PDZD2: variants seen among roughly 807,000 people sequenced by gnomAD.
The protein encoded by PDZD2 is PDZ domain-containing protein 2.
PDZD2 carries 90 observed loss-of-function variants against 220.7 expected under a neutral mutation model. The ratio of observed to expected loss-of-function variants is 0.41; its 90% CI spans 0.34 to 0.49. The LOEUF (loss-of-function observed/expected upper bound fraction) is 0.49. Ranked by LOEUF, PDZD2 falls within the 20% of genes least tolerant of loss-of-function variation. The pLI, the probability that PDZD2 is intolerant of heterozygous loss-of-function variation, is 0.28. For missense variants in PDZD2, 3,174 were observed against 3,608.5 expected, an observed-to-expected ratio of 0.88 and a Z score of 3.08; for synonymous variants, 1,375 against 1,450.5, an observed-to-expected ratio of 0.95 and a Z score of 1.18.
intron 3 of PDZD2, among the ~76,000 whole-genome samples, chr5:31,986,806 A>G (rs1222567924): frequency 1.3e-5 from 2 of 152,162 alleles, no homozygotes; most frequent in Non-Finnish European, 2.9e-5. Context: ...TTTGTTTGTC[A>G]GGTACTTCTT....
chr5:31,763,854 G>A (rs1751808763), intron 1 of PDZD2, among the ~76,000 whole-genome samples: 1 of 143,148 alleles, frequency 7.0e-6, no homozygotes, highest in Admixed American at 7.2e-5. Context: ...TAAAGGAGAG[G>A]AGGGAGCCCT....
At chr5:32,029,329 TAA>T (rs34025632) in intron 6 of PDZD2, among the ~76,000 whole-genome samples, 2,873 of 65,750 alleles carry the variant, frequency 0.044, 129 homozygotes, top group African/African-American at 0.16. Context: ...TCAAGAACTG[TAA>T]AAAAAAAAAA....
chr5:31,965,710 C>G (rs1748678542), intron 2 of PDZD2, among the ~76,000 whole-genome samples: 1 of 152,130 alleles, frequency 6.6e-6, no homozygotes, highest in Admixed American at 6.5e-5. Context: ...GCCTGACCAA[C>G]ATGGCGAAAC....
At position 32,064,765 on chromosome 5, in the gene PDZD2, T is replaced by C. The variant is rs1169738964; in HGVS notation, c.2451+3631T>C. 6.2e-4 allele frequency among the ~76,000 whole-genome samples: 90 copies of C among 145,286 alleles called. No individual in the cohort carries two copies. The Middle Eastern group carries it at 0.014, about 22-fold the overall frequency. ...GGTGGATCACTTGAGGTCAGGAGTT[T>C]GAGACCAGCCTGGCCAACATAGCAA... On this transcript the variant is annotated intron_variant, in intron 14 of 24. Transcript: ENST00000438447.
chr5:31,646,345 A>G lies in PDZD2; in HGVS notation c.-361+6908A>G, dbSNP rs75716338. On this transcript the variant is annotated intron_variant, in intron 1 of 24. Coordinates refer to ENST00000438447, the MANE Select transcript of PDZD2 (RefSeq NM_178140.4). The surrounding 1 kb of genome is among the most constrained non-coding windows in gnomAD (Gnocchi z 4.7). ...ATGCCCCTTACCCCTGAGGAATTCC[A>G]GGGACTGAGCCACCACAAATGTCTT... is the stretch of plus-strand genomic sequence containing the variant. Among the ~76,000 whole-genome samples the G allele has an allele frequency of 1.1e-3, 161 of 152,186 alleles. No homozygotes were observed. The highest frequency in any genetic ancestry group is 3.7e-3 in the African/African-American group (152 of 41,498).
intron 1 of PDZD2, among the ~76,000 whole-genome samples, chr5:31,642,935 G>A (rs1408942765): frequency 1.3e-5 from 2 of 152,180 alleles, no homozygotes; most frequent in African/African-American, 2.4e-5. Flanking sequence ...AGGAGGGAAA[G>A]GAAGGACTCC....
At position 32,037,268 on chromosome 5, in the gene PDZD2, C is replaced by T. The variant is rs1406018132; in HGVS notation, c.1445C>T (p.Ala482Val). 1 of 1,613,756 alleles carries T rather than the reference C, an allele frequency of 6.2e-7. No individual in the cohort carries two copies. Among genetic ancestry groups the T allele is most frequent in the African/African-American group, 1.3e-5 (1 of 75,026 alleles). The part of the protein sequence containing the change: ...GTDEPQDVCG[A>V]EESKGNLESP... ...GATGAACCCCAAGATGTGTGCGGTG[C>T]TGAGGAATCCAAGGGGAACTTGGAA... Residue 482 changes from alanine (A) to valine (V), a missense_variant, in exon 7 of 25, where the codon GCT becomes GTT. Ala to Val is a moderately conservative substitution (Grantham distance 64). Around this residue, in one of 4 missense-constraint regions of PDZD2, gnomAD observed 632 missense variants for 708.1 expected, o/e 0.89. Transcript: ENST00000438447.
intron 3 of PDZD2, among the ~76,000 whole-genome samples, chr5:31,994,414 C>T (rs1483492450): frequency 6.6e-6 from 1 of 152,002 alleles, no homozygotes; most frequent in Non-Finnish European, 1.5e-5. Context: ...TCAAATTCAT[C>T]AATTAATTTT....
rs544845682 is a variant in PDZD2, at chr5:32,040,896, G to A, written c.1519+3554G>A. The stretch of plus-strand genomic sequence containing the variant: ...AAGTGAAGAGCGCCTCTGCCTGGCC[G>A]CCCTGTCTGGGATGTGAGGAGCACC... On this transcript the variant is annotated intron_variant, in intron 7 of 24. Coordinates refer to ENST00000438447, the MANE Select transcript of PDZD2 (RefSeq NM_178140.4). Among the ~76,000 whole-genome samples, 25 of 143,170 alleles carry A rather than the reference G, an allele frequency of 1.7e-4. No individual in the cohort carries two copies. The East Asian group carries it at 5.2e-3, about 30-fold the overall frequency. The allele number at this position is 143,170 out of a possible 152,430, so 93.9% of individuals were successfully genotyped here.
chr5:31,881,075 C>T (rs532044910), intron 2 of PDZD2, among the ~76,000 whole-genome samples: 1 of 152,000 alleles, frequency 6.6e-6, no homozygotes, highest in South Asian at 2.1e-4. Flanking sequence ...GCTGGGATTA[C>T]AGGCATATGC....
At chr5:31,950,210 A>G (rs1166942778) in intron 2 of PDZD2, among the ~76,000 whole-genome samples, 1 of 152,104 alleles carries the variant, frequency 6.6e-6, no homozygotes, top group Non-Finnish European at 1.5e-5. Context: ...ATCCTGTGGG[A>G]TCAGATTCTG....
intron 1 of PDZD2, among the ~76,000 whole-genome samples, chr5:31,641,060 A>G (rs1323660263): frequency 1.3e-5 from 2 of 152,080 alleles, no homozygotes; most frequent in South Asian, 2.1e-4. Flanking sequence ...AACTTATGAT[A>G]ATTTCTCTGT....
At chr5:32,101,003 C>T in intron 23 of PDZD2, 102 bp from the exon 24 acceptor site, 1 of 1,592,134 alleles carries the variant, frequency 6.3e-7, no homozygotes, top group South Asian at 1.1e-5. Flanking sequence ...TTGAGTGTGC[C>T]AGAAGTACAT....
intron 4 of PDZD2, among the ~76,000 whole-genome samples, chr5:31,996,785 G>T (rs1239298911): frequency 2.0e-5 from 3 of 152,178 alleles, no homozygotes; most frequent in Non-Finnish European, 4.4e-5. Flanking sequence ...GGAGACTCAG[G>T]TGGGAGGATC....
intron 2 of PDZD2, among the ~76,000 whole-genome samples, chr5:31,863,181 G>A (rs960117625): frequency 6.6e-6 from 1 of 152,106 alleles, no homozygotes; most frequent in Non-Finnish European, 1.5e-5. Flanking sequence ...CACTGCGCCC[G>A]GCCATGAGAC....
intron 2 of PDZD2, among the ~76,000 whole-genome samples, chr5:31,895,215 T>G (rs1363677824): frequency 6.6e-6 from 1 of 152,198 alleles, no homozygotes; most frequent in East Asian, 1.9e-4. Flanking sequence ...CCAAGTGCAA[T>G]GGACTGAATG....
intron 2 of PDZD2, among the ~76,000 whole-genome samples, chr5:31,873,970 C>T (rs1280374384): frequency 1.3e-5 from 2 of 152,032 alleles, no homozygotes; most frequent in South Asian, 2.1e-4. Context: ...TCAGGTGACC[C>T]GCCCACTTTG....
At chr5:31,883,264 AG>A (rs1228827768) in intron 2 of PDZD2, among the ~76,000 whole-genome samples, 3 of 117,416 alleles carry the variant, frequency 2.6e-5, no homozygotes, top group Non-Finnish European at 4.9e-5. Context: ...TCTGTCGCCC[AG>A]GCTGGAGTGC....
chr5:31,889,865 A>G (rs1245628284), intron 2 of PDZD2, among the ~76,000 whole-genome samples: 2 of 152,070 alleles, frequency 1.3e-5, no homozygotes, highest in Non-Finnish European at 2.9e-5. Flanking sequence ...TACTAAATGT[A>G]CAAAAATTAG....
Sources: gnomAD v4.1 joint callset for allele counts (sites outside exome capture counted in the v4.1 genomes callset) on GRCh38, gnomAD v4.1.1 for gene constraint, gnomAD v4.1.1 regional missense constraint, Gnocchi (gnomAD v3.1) non-coding constraint, MANE v1.5 for transcripts, NCBI Gene and HGNC (gene_info 2026-07-23, HGNC 2026-07-21) for gene names.